MSRA: variants seen among roughly 807,000 people sequenced by gnomAD.
The protein encoded by MSRA is methionine sulfoxide reductase A.
A neutral mutation model predicts 31.3 loss-of-function variants in MSRA; 54 were observed. That is an observed-to-expected ratio of 1.73 (90% CI 1.39 to 2.17). The LOEUF (loss-of-function observed/expected upper bound fraction) is 2.17, where lower values mean the gene tolerates loss of function less well. Ranked by LOEUF, MSRA falls within the 30% of genes most tolerant of loss-of-function variation. MSRA has a pLI of 0.00. For missense variants in MSRA, 507 were observed against 300.9 expected, an observed-to-expected ratio of 1.69 and a Z score of -5.07; for synonymous variants, 169 against 116.5, an observed-to-expected ratio of 1.45 and a Z score of -2.90.
intron 3 of MSRA, among the ~76,000 whole-genome samples, chr8:10,291,503 T>G (rs1388152256): frequency 6.6e-6 from 1 of 151,858 alleles, no homozygotes; most frequent in Admixed American, 6.5e-5. Context: ...TTTTGATGTA[T>G]TAGGATTTTT....
At chr8:10,087,278 C>G (rs929432790) in intron 1 of MSRA, among the ~76,000 whole-genome samples, 2 of 152,104 alleles carry the variant, frequency 1.3e-5, no homozygotes, top group African/African-American at 2.4e-5. Flanking sequence ...TGTTTCCTTC[C>G]TGTGTCCCTG....
chr8:10,171,465 A>G (rs569436183), intron 1 of MSRA, among the ~76,000 whole-genome samples: 1 of 150,908 alleles, frequency 6.6e-6, no homozygotes, highest in East Asian at 1.9e-4. Flanking sequence ...TTCACCTTTT[A>G]GTTTCCGTGA....
intron 1 of MSRA, among the ~76,000 whole-genome samples, chr8:10,111,235 G>T (rs1224664313): frequency 1.3e-5 from 2 of 152,158 alleles, no homozygotes; most frequent in African/African-American, 4.8e-5. Context: ...TATGGAGAAT[G>T]ATGTCAAACA....
intron 1 of MSRA, among the ~76,000 whole-genome samples, chr8:10,130,297 C>G (rs1439231636): frequency 6.6e-6 from 1 of 152,184 alleles, no homozygotes; most frequent in East Asian, 1.9e-4. Context: ...TACAGGATAA[C>G]AACTTTTCAG....
rs191687599 is a variant in MSRA, at chr8:10,072,885, A to C, written c.142+18227A>C. ...GATTGTAAATGATATGGTATCTTTA[A>C]TTTTGGTTTCCACCTGTTCATTGAT... is the stretch of plus-strand genomic sequence containing the variant. On this transcript the variant is annotated intron_variant, in intron 1 of 5. Transcript: ENST00000317173. 3.6e-3 allele frequency among the ~76,000 whole-genome samples: 547 copies of C among 152,270 alleles called. 1 individual carries two copies. Among genetic ancestry groups the C allele is most frequent in the Non-Finnish European group, 6.5e-3 (439 of 68,010 alleles).
At chr8:10,075,714 A>G (rs1284863233) in intron 1 of MSRA, among the ~76,000 whole-genome samples, 1 of 152,102 alleles carries the variant, frequency 6.6e-6, no homozygotes, top group East Asian at 1.9e-4. Context: ...TCCACAAAGA[A>G]CTCTCGTAAG....
At chr8:10,310,020 A>G (rs1220230991) in intron 4 of MSRA, among the ~76,000 whole-genome samples, 1 of 152,256 alleles carries the variant, frequency 6.6e-6, no homozygotes, top group East Asian at 1.9e-4. Context: ...TGGCAATAAA[A>G]TACTGTCGTT....
chr8:10,115,830 A>G (rs533651732), intron 1 of MSRA, among the ~76,000 whole-genome samples: 6 of 152,232 alleles, frequency 3.9e-5, no homozygotes, highest in Non-Finnish European at 7.3e-5. Flanking sequence ...GTCCACACTC[A>G]ATGACTGTTT....
rs1455343099 is a variant in MSRA at position 10,337,803 on chromosome 8, A to G, written c.543+17814A>G. The G allele has an allele frequency of 3.4e-5, 24 of 702,478 alleles. No homozygotes were observed. In the East Asian group the frequency reaches 3.8e-4, roughly 11 times the overall value. The allele number at this position is 702,478 out of a possible 1,614,324, so 43.5% of individuals were successfully genotyped here. A position where few individuals can be genotyped will look rare whatever the true frequency, so the allele number is the denominator to read the frequency against. ...GTGCAGCCATCTTCAAGAAAACATTATTAAAGCAATATTATTAGTATGCAG... is the reference window on the plus strand; with the variant it reads ...GTGCAGCCATCTTCAAGAAAACATTGTTAAAGCAATATTATTAGTATGCAG... On this transcript the variant is annotated intron_variant, in intron 5 of 5. Transcript: ENST00000317173.
intron 1 of MSRA, among the ~76,000 whole-genome samples, chr8:10,162,550 T>C (rs926531807): frequency 7.2e-5 from 11 of 152,154 alleles, no homozygotes; most frequent in Non-Finnish European, 1.6e-4. Flanking sequence ...GGAGGAGGAC[T>C]GGCGGCCGTC....
At chr8:10,055,576 C>T (rs913172605) in intron 1 of MSRA, among the ~76,000 whole-genome samples, 1 of 152,226 alleles carries the variant, frequency 6.6e-6, no homozygotes, top group Non-Finnish European at 1.5e-5. Context: ...GCCCAACAAT[C>T]TCTAAAACAA....
At chr8:10,366,720 A>C in intron 5 of MSRA, among the ~76,000 whole-genome samples, 1 of 150,512 alleles carries the variant, frequency 6.6e-6, no homozygotes, top group South Asian at 2.1e-4. Context: ...ATCCTGCTAG[A>C]CTCCTCGTGG....
chr8:10,289,361 C>G (rs759367625), intron 3 of MSRA, among the ~76,000 whole-genome samples: 6 of 151,632 alleles, frequency 4.0e-5, no homozygotes, highest in Non-Finnish European at 8.8e-5. Context: ...ATGGGGTATA[C>G]GAGATGATAG....
chr8:10,156,308 T>C (rs1339842186), intron 1 of MSRA, among the ~76,000 whole-genome samples: 2 of 152,182 alleles, frequency 1.3e-5, no homozygotes, highest in Non-Finnish European at 2.9e-5. Context: ...CACCCTTTCC[T>C]TTTTTAAAGG....
chr8:10,414,544 G>T (rs1176023403), intron 5 of MSRA, among the ~76,000 whole-genome samples: 1 of 152,214 alleles, frequency 6.6e-6, no homozygotes, highest in Non-Finnish European at 1.5e-5. Flanking sequence ...ACCGTCTGCA[G>T]TGAGACTATT....
chr8:10,383,164 C>T (rs1323501687), intron 5 of MSRA, among the ~76,000 whole-genome samples: 1 of 152,240 alleles, frequency 6.6e-6, no homozygotes, highest in African/African-American at 2.4e-5. Context: ...TGCCAGCCAA[C>T]TCTGCTGCCA....
intron 2 of MSRA, among the ~76,000 whole-genome samples, chr8:10,214,087 G>C (rs1024518252): frequency 2.6e-5 from 4 of 152,188 alleles, no homozygotes; most frequent in African/African-American, 7.2e-5. Flanking sequence ...TTCCGGGTCA[G>C]ATTCTCTGAA....
chr8:10,130,518 C>G (rs1262060920), intron 1 of MSRA, among the ~76,000 whole-genome samples: 1 of 152,144 alleles, frequency 6.6e-6, no homozygotes, highest in African/African-American at 2.4e-5. Context: ...ATATTTTCCC[C>G]TCCGACATTC....
chr8:10,231,005 G>A (rs1378181718), intron 2 of MSRA, among the ~76,000 whole-genome samples: 12 of 152,154 alleles, frequency 7.9e-5, no homozygotes, highest in African/African-American at 1.7e-4. Flanking sequence ...GGCGAGTCTC[G>A]AACTCTTGAC....
Sources: gnomAD v4.1 joint callset for allele counts (sites outside exome capture counted in the v4.1 genomes callset) on GRCh38, gnomAD v4.1.1 for gene constraint, MANE v1.5 for transcripts, NCBI Gene and HGNC (gene_info 2026-07-23, HGNC 2026-07-21) for gene names.